Variants in ADAMTS17 observed in about 807,000 individuals in gnomAD.
ADAMTS17 encodes ADAM metallopeptidase with thrombospondin type 1 motif 17.
In ADAMTS17, 113 loss-of-function variants were observed where a neutral mutation model predicts 141.5. The ratio of observed to expected loss-of-function variants is 0.80; its 90% CI spans 0.69 to 0.93. The LOEUF is 0.93. ADAMTS17 is among the 40% of genes least tolerant of loss of function. The probability of loss-of-function intolerance (pLI) is 0.00; values close to 1 mark genes in which losing one functional copy is unlikely to be tolerated. For synonymous variants in ADAMTS17, 768 were observed against 630.6 expected, an observed-to-expected ratio of 1.22 and a Z score of -3.27; for missense variants, 1,659 against 1,517.9, an observed-to-expected ratio of 1.09 and a Z score of -1.54.
chr15:100,331,004 G>C lies in ADAMTS17; in HGVS notation c.501C>G (p.Asn167Lys), dbSNP rs758698753. The C allele has an allele frequency of 3.1e-6, 5 of 1,614,072 alleles. No individual in the cohort carries two copies. The highest frequency in any genetic ancestry group is 4.2e-6 in the Non-Finnish European group (5 of 1,180,048). The part of the protein sequence containing the change: ...GQEQVLIQPL[N>K]NSQGPFSGRE... ...GTCCACTGAATGGGCCCTGGGAGTTGTTGAGGGGCTGGATTAGCACCTGCT... is the reference window on the plus strand; with the variant it reads ...GTCCACTGAATGGGCCCTGGGAGTTCTTGAGGGGCTGGATTAGCACCTGCT... The change falls in exon 3 of 22, where the codon AAC becomes AAG. Residue 167 changes from asparagine to lysine, a missense_variant. Asn to Lys is a moderately conservative substitution (Grantham distance 94). Coordinates refer to ENST00000268070, the MANE Select transcript of ADAMTS17 (RefSeq NM_139057.4).
In ADAMTS17 at chr15:100,296,262, CT is replaced by C. The variant is rs5814960; in HGVS notation, c.617-14862del. 1.1e-3 allele frequency among the ~76,000 whole-genome samples: 158 copies of C among 147,040 alleles called. 1 individual carries two copies. The highest frequency in any genetic ancestry group is 7.1e-3 in the East Asian group (36 of 5,068). On this transcript the variant is annotated intron_variant, in intron 3 of 21. Coordinates refer to ENST00000268070, the MANE Select transcript of ADAMTS17 (RefSeq NM_139057.4). Reference sequence around the variant, plus strand: ...GTCCAAGAAAACTGCTTTGTGACCACTTTTTTTTTTTAACAAAAGCAAAAGA... The same window carrying C: ...GTCCAAGAAAACTGCTTTGTGACCACTTTTTTTTTTAACAAAAGCAAAAGA...
At chr15:100,047,306 C>G (rs1229175006) in intron 18 of ADAMTS17, among the ~76,000 whole-genome samples, 2 of 134,386 alleles carry the variant, frequency 1.5e-5, no homozygotes, top group East Asian at 5.0e-4. Context: ...TGTGATCTCG[C>G]CCTGCCTCCA....
intron 3 of ADAMTS17, among the ~76,000 whole-genome samples, chr15:100,289,029 A>G (rs552216391): frequency 1.7e-4 from 26 of 152,252 alleles, no homozygotes; most frequent in African/African-American, 5.8e-4. Flanking sequence ...AAATTGAGAC[A>G]TGAAAAACAA....
At chr15:100,308,199 A>G (rs2045289348) in intron 3 of ADAMTS17, among the ~76,000 whole-genome samples, 2 of 152,200 alleles carry the variant, frequency 1.3e-5, no homozygotes, top group Admixed American at 1.3e-4. Context: ...GACAACTCAC[A>G]CACACCCCAC....
intron 15 of ADAMTS17, chr15:100,074,048 A>T (rs931795178): frequency 3.9e-5 from 6 of 152,656 alleles, no homozygotes; most frequent in African/African-American, 1.4e-4. Context: ...AATATCTACC[A>T]CAGTAATAGT....
At chr15:99,985,629 C>T (rs572225642) in intron 20 of ADAMTS17, among the ~76,000 whole-genome samples, 3 of 152,278 alleles carry the variant, frequency 2.0e-5, no homozygotes, top group East Asian at 1.9e-4. Context: ...GTTTCAAATT[C>T]GGAATCTAAG....
At chr15:99,985,613 C>T (rs2060570404) in intron 20 of ADAMTS17, among the ~76,000 whole-genome samples, 1 of 152,168 alleles carries the variant, frequency 6.6e-6, no homozygotes, top group Non-Finnish European at 1.5e-5. Context: ...AGCTCAGCTC[C>T]TTCTTGTTTC....
At chr15:100,107,548 C>G (rs542299623) in intron 14 of ADAMTS17, among the ~76,000 whole-genome samples, 1 of 152,116 alleles carries the variant, frequency 6.6e-6, no homozygotes, top group Non-Finnish European at 1.5e-5. Flanking sequence ...CTCCTCAAAT[C>G]CACATGTTGA....
intron 18 of ADAMTS17, among the ~76,000 whole-genome samples, chr15:100,002,557 C>T (rs1220105765): frequency 4.6e-5 from 7 of 152,008 alleles, no homozygotes; most frequent in Non-Finnish European, 1.0e-4. Context: ...TCTCTACATC[C>T]GCCGTCACCT....
At chr15:100,171,078 G>C (rs559150526) in intron 8 of ADAMTS17, among the ~76,000 whole-genome samples, 3 of 152,064 alleles carry the variant, frequency 2.0e-5, no homozygotes, top group African/African-American at 7.2e-5. Flanking sequence ...TGGGCAGTAG[G>C]AACCAGCCCC....
At chr15:100,140,106 C>T (rs944170874) in intron 10 of ADAMTS17, among the ~76,000 whole-genome samples, 1 of 152,186 alleles carries the variant, frequency 6.6e-6, no homozygotes, top group Non-Finnish European at 1.5e-5. Context: ...AGCGATTCTC[C>T]TGCCTCAGCC....
chr15:100,327,458 G>C (rs2141938266), intron 3 of ADAMTS17, among the ~76,000 whole-genome samples: 1 of 152,314 alleles, frequency 6.6e-6, no homozygotes, highest in Non-Finnish European at 1.5e-5. Flanking sequence ...CACTCAGCAT[G>C]TTGCAGGATT....
intron 8 of ADAMTS17, among the ~76,000 whole-genome samples, chr15:100,198,886 C>T (rs2041218337): frequency 6.6e-6 from 1 of 152,198 alleles, no homozygotes; most frequent in African/African-American, 2.4e-5. Context: ...TTCTTCAAAA[C>T]TAAGACACTA....
At chr15:100,063,776 C>A (rs1333078596) in intron 15 of ADAMTS17, 22 of 1,288,914 alleles carry the variant, frequency 1.7e-5, no homozygotes, top group Non-Finnish European at 2.2e-5. Flanking sequence ...CAACAAACGA[C>A]ACAGAAGTAA....
At chr15:100,234,259 G>A (rs2042583828) in intron 7 of ADAMTS17, among the ~76,000 whole-genome samples, 1 of 152,208 alleles carries the variant, frequency 6.6e-6, no homozygotes, top group Non-Finnish European at 1.5e-5. Flanking sequence ...TCGACTACTA[G>A]AAAGAGCTAA....
chr15:100,297,840 A>G (rs2044878305), intron 3 of ADAMTS17, among the ~76,000 whole-genome samples: 1 of 152,186 alleles, frequency 6.6e-6, no homozygotes, highest in Non-Finnish European at 1.5e-5. Flanking sequence ...CCACATGGCT[A>G]GATAGAAGAG....
At chr15:100,120,319 C>T (rs139968396) in intron 12 of ADAMTS17, among the ~76,000 whole-genome samples, 1 of 152,364 alleles carries the variant, frequency 6.6e-6, no homozygotes, top group Non-Finnish European at 1.5e-5. Context: ...GTAACAGTTA[C>T]TGCCCATCCT....
At chr15:100,200,921 C>T (rs918711738) in intron 7 of ADAMTS17, among the ~76,000 whole-genome samples, 4 of 152,220 alleles carry the variant, frequency 2.6e-5, no homozygotes, top group African/African-American at 9.6e-5. Flanking sequence ...CATGGCTGTC[C>T]CTCTGTCGAG....
chr15:100,034,219 A>C (rs557438035), intron 18 of ADAMTS17, among the ~76,000 whole-genome samples: 2 of 152,374 alleles, frequency 1.3e-5, no homozygotes, highest in East Asian at 3.9e-4. Flanking sequence ...GGATTCTCAA[A>C]GTGGTTCACA....
Sources: gnomAD v4.1 joint callset for allele counts (sites outside exome capture counted in the v4.1 genomes callset) on GRCh38, gnomAD v4.1.1 for gene constraint, MANE v1.5 for transcripts, NCBI Gene and HGNC (gene_info 2026-07-23, HGNC 2026-07-21) for gene names.